The following ARHGAP15 variants were observed in gnomAD, a reference collection of about 807,000 sequenced individuals.
ARHGAP15 encodes rho GTPase-activating protein 15.
In ARHGAP15, 51 loss-of-function variants were observed where a neutral mutation model predicts 63.7. That is an observed-to-expected ratio of 0.80 (90% CI 0.64 to 1.01). The LOEUF (loss-of-function observed/expected upper bound fraction) is 1.01. ARHGAP15 is among the 50% of genes least tolerant of loss of function. The pLI, the probability that ARHGAP15 is intolerant of heterozygous loss-of-function variation, is 0.00. For missense variants in ARHGAP15, 560 were observed against 564.6 expected, an observed-to-expected ratio of 0.99 and a Z score of 0.08; for synonymous variants, 191 against 193.8, an observed-to-expected ratio of 0.99 and a Z score of 0.12.
chr2:143,681,180 T>G (rs535316488), intron 12 of ARHGAP15, among the ~76,000 whole-genome samples: 1 of 152,324 alleles, frequency 6.6e-6, no homozygotes, highest in Admixed American at 6.5e-5. Context: ...CATTGTGGTG[T>G]GTGTGACTCT....
At chr2:143,340,737 T>G (rs1685023022) in intron 6 of ARHGAP15, among the ~76,000 whole-genome samples, 1 of 152,062 alleles carries the variant, frequency 6.6e-6, no homozygotes, top group Non-Finnish European at 1.5e-5. Context: ...GAAGGCAACT[T>G]TGGTGGCAAG....
At chr2:143,243,853 A>G (rs1378312692) in intron 5 of ARHGAP15, among the ~76,000 whole-genome samples, 2 of 152,126 alleles carry the variant, frequency 1.3e-5, no homozygotes, top group African/African-American at 4.8e-5. Flanking sequence ...ACTACTTATT[A>G]GGACCATTTT....
chr2:143,582,585 C>T (rs893570929), intron 11 of ARHGAP15, among the ~76,000 whole-genome samples: 2 of 152,180 alleles, frequency 1.3e-5, no homozygotes, highest in African/African-American at 2.4e-5. Context: ...CACACAGTGG[C>T]AACCGATGAG....
intron 12 of ARHGAP15, among the ~76,000 whole-genome samples, chr2:143,634,556 C>T (rs989769904): frequency 2.7e-5 from 4 of 150,120 alleles, no homozygotes; most frequent in Admixed American, 2.6e-4. Context: ...CTTTAGTTAA[C>T]AGTCTCAGAG....
chr2:143,187,314 C>T (rs1195652928), intron 2 of ARHGAP15, among the ~76,000 whole-genome samples: 1 of 152,180 alleles, frequency 6.6e-6, no homozygotes, highest in African/African-American at 2.4e-5. Context: ...TTTGCCTTCT[C>T]CTTTAACCCC....
intron 8 of ARHGAP15, among the ~76,000 whole-genome samples, chr2:143,468,633 T>TGA (rs60106286): frequency 5.2e-4 from 70 of 135,254 alleles, no homozygotes; most frequent in African/African-American, 2.0e-3. Context: ...GGTTTCTTTG[T>TGA]GAGAGAGAGA....
chr2:143,514,776 T>A (rs909249036), intron 9 of ARHGAP15, among the ~76,000 whole-genome samples: 22 of 152,292 alleles, frequency 1.4e-4, no homozygotes, highest in African/African-American at 3.8e-4. Flanking sequence ...CTGTGCCATA[T>A]GTATGTATTC....
At chr2:143,363,796 G>T (rs1488316581) in intron 6 of ARHGAP15, among the ~76,000 whole-genome samples, 1 of 152,100 alleles carries the variant, frequency 6.6e-6, no homozygotes, top group Admixed American at 6.6e-5. Flanking sequence ...AACTTCATCA[G>T]ATCATGGGAC....
rs896468000 is a variant in ARHGAP15 at position 143,728,618 on chromosome 2, T to C, written c.1244+25094T>C. On this transcript the variant is annotated intron_variant, in intron 13 of 13. Coordinates refer to ENST00000295095, the MANE Select transcript of ARHGAP15 (RefSeq NM_018460.4). ...ATCCTCTATGGGAATGAAACAATGA[T>C]GACTTTGTAAGGTTTAGGGGAACAA... 2.0e-5 allele frequency among the ~76,000 whole-genome samples: 3 copies of C among 152,218 alleles called. No homozygotes were observed. In the East Asian group the frequency reaches 5.8e-4, roughly 29 times the overall value.
intron 6 of ARHGAP15, among the ~76,000 whole-genome samples, chr2:143,341,326 A>G (rs1218684307): frequency 6.6e-6 from 1 of 152,118 alleles, no homozygotes. Flanking sequence ...GATCTTTCAC[A>G]TTATCCACTG....
At chr2:143,711,418 T>C (rs1444371058) in intron 13 of ARHGAP15, among the ~76,000 whole-genome samples, 1 of 152,196 alleles carries the variant, frequency 6.6e-6, no homozygotes, top group African/African-American at 2.4e-5. Flanking sequence ...TTTAAGGATG[T>C]TGGCTTGGCA....
intron 10 of ARHGAP15, among the ~76,000 whole-genome samples, chr2:143,542,646 A>G (rs987427562): frequency 7.0e-6 from 1 of 142,786 alleles, no homozygotes; most frequent in Non-Finnish European, 1.5e-5. Flanking sequence ...TAAAATATAT[A>G]TATGATATAT....
At chr2:143,144,199 A>C (rs1689487109) in intron 1 of ARHGAP15, among the ~76,000 whole-genome samples, 1 of 152,016 alleles carries the variant, frequency 6.6e-6, no homozygotes, top group South Asian at 2.1e-4. Flanking sequence ...TGTCTTTGAT[A>C]CTGTGAATAG....
chr2:143,523,948 T>C (rs2104995774), intron 10 of ARHGAP15, among the ~76,000 whole-genome samples: 1 of 152,250 alleles, frequency 6.6e-6, no homozygotes, highest in Non-Finnish European at 1.5e-5. Flanking sequence ...TTTTCAAATG[T>C]GATAATTCCA....
Position 143,664,863 on chromosome 2 carries a change from C to T in ARHGAP15, c.1139-38556C>T, listed in dbSNP as rs534510249. 5.9e-5 allele frequency among the ~76,000 whole-genome samples: 9 copies of T among 152,214 alleles called. No homozygotes were observed. In the East Asian group the frequency reaches 1.7e-3, roughly 29 times the overall value. On this transcript the variant is annotated intron_variant, in intron 12 of 13. Transcript: ENST00000295095. ...ACACATACACCATCCCAAGACTAAACCAGGAAGAAGTTGAATCTCTGAATA... is the reference window on the plus strand; with the variant it reads ...ACACATACACCATCCCAAGACTAAATCAGGAAGAAGTTGAATCTCTGAATA...
At chr2:143,240,856 T>C (rs966740447) in intron 5 of ARHGAP15, among the ~76,000 whole-genome samples, 5 of 152,182 alleles carry the variant, frequency 3.3e-5, no homozygotes, top group African/African-American at 1.2e-4. Flanking sequence ...TGTTCTCTGG[T>C]TATATTTTTT....
At chr2:143,671,819 T>TTTGA (rs1165065828) in intron 12 of ARHGAP15, among the ~76,000 whole-genome samples, 1 of 152,176 alleles carries the variant, frequency 6.6e-6, no homozygotes, top group African/African-American at 2.4e-5. Flanking sequence ...TTGTAAAGTT[T>TTTGA]TTGATTGTCT....
At chr2:143,202,266 C>G in intron 3 of ARHGAP15, 64 bp downstream of exon 3, 1 of 1,278,210 alleles carries the variant, frequency 7.8e-7, no homozygotes, top group Non-Finnish European at 1.1e-6. Context: ...CAAAACTCAG[C>G]AACTTAGAAC....
chr2:143,130,558 A>G (rs565015689), intron 1 of ARHGAP15, among the ~76,000 whole-genome samples: 2 of 152,040 alleles, frequency 1.3e-5, no homozygotes, highest in Non-Finnish European at 2.9e-5. Context: ...CTTTTCTTTT[A>G]TTGTCTTCTA....
Sources: gnomAD v4.1 joint callset for allele counts (sites outside exome capture counted in the v4.1 genomes callset) on GRCh38, gnomAD v4.1.1 for gene constraint, MANE v1.5 for transcripts, NCBI Gene and HGNC (gene_info 2026-07-23, HGNC 2026-07-21) for gene names.